PCDHA10: variants seen among roughly 807,000 people sequenced by gnomAD.
PCDHA10 encodes the protein protocadherin alpha 10, also known as protocadherin alpha-10.
Under a neutral mutation model 61.2 loss-of-function variants are expected in PCDHA10, and 45 were observed. That is an observed-to-expected ratio of 0.74 (90% confidence interval 0.58 to 0.94). PCDHA10 has a LOEUF of 0.94. Ranked by LOEUF, PCDHA10 falls within the 40% of genes least tolerant of loss-of-function variation. The pLI is 0.00. For synonymous variants in PCDHA10, 602 were observed against 548.8 expected (o/e 1.10, Z -1.35); for missense variants, 1,278 against 1,236.2 (o/e 1.03, Z -0.51).
chr5:140,973,556 C>A lies in PCDHA10; in HGVS notation c.2389-5393C>A, dbSNP rs993191449. Among the ~76,000 whole-genome samples the A allele has an allele frequency of 3.9e-5, 6 of 152,336 alleles. 1 individual carries two copies. In the South Asian group the frequency reaches 1.2e-3, roughly 32 times the overall value. ...ATACAATAATTTATTTCAATTACCT[C>A]TTTCCTCAATTTTTCTACAGACTGC... On this transcript the variant is annotated intron_variant, in intron 1 of 3. Coordinates refer to ENST00000307360, the MANE Select transcript of PCDHA10 (RefSeq NM_018901.4).
At chr5:140,966,313 C>T (rs1349194825) in intron 1 of PCDHA10, 18 of 386,704 alleles carry the variant, frequency 4.7e-5, no homozygotes, top group African/African-American at 2.5e-4. Flanking sequence ...CGTGTTCCTG[C>T]GGTCCGCTGG....
At chr5:140,913,348 C>A (rs1233529642) in intron 1 of PCDHA10, among the ~76,000 whole-genome samples, 1 of 152,080 alleles carries the variant, frequency 6.6e-6, no homozygotes, top group East Asian at 1.9e-4. Context: ...TCCATTTCCT[C>A]TAGATTTTTA....
chr5:140,870,242 T>A (rs1554163936), intron 1 of PCDHA10: 1 of 1,614,142 alleles, frequency 6.2e-7, no homozygotes, highest in East Asian at 2.2e-5. Flanking sequence ...GACTCAGGTG[T>A]CAACGGACAG....
intron 3 of PCDHA10, among the ~76,000 whole-genome samples, chr5:140,992,482 G>A (rs1187706188): frequency 6.6e-6 from 1 of 152,164 alleles, no homozygotes; most frequent in Non-Finnish European, 1.5e-5. Flanking sequence ...TCACCCAGAG[G>A]CCAATCTGTA....
At chr5:140,868,894 G>T in intron 1 of PCDHA10, 6 of 771,428 alleles carry the variant, frequency 7.8e-6, no homozygotes, top group Non-Finnish European at 1.2e-5. Flanking sequence ...TTAGGCGCAA[G>T]GTGTCGCTCT....
intron 1 of PCDHA10, chr5:140,928,173 C>T (rs1554205586): frequency 1.2e-6 from 2 of 1,614,170 alleles, no homozygotes; most frequent in Admixed American, 1.7e-5. Flanking sequence ...CACTTAGCAC[C>T]CGAAGGACAA....
chr5:140,860,740 T>G (rs934240513), intron 1 of PCDHA10: 1 of 152,266 alleles, frequency 6.6e-6, no homozygotes, highest in Non-Finnish European at 1.5e-5. Context: ...TTTTGTTTTT[T>G]ATTTTTTATT....
In PCDHA10 at chr5:140,982,309, G is replaced by A. The variant is rs1459964622; in HGVS notation, c.2448-166G>A. On this transcript the variant is annotated intron_variant, in intron 2 of 3. Coordinates refer to ENST00000307360, the MANE Select transcript of PCDHA10 (RefSeq NM_018901.4). Reference sequence around the variant, plus strand: ...TAAGTAAGTCAGCAATGCTTCTGCAGTTTATGCAGGGTGACTGCTCAGCAG... The same window carrying A: ...TAAGTAAGTCAGCAATGCTTCTGCAATTTATGCAGGGTGACTGCTCAGCAG... 5.4e-6 allele frequency: 7 copies of A among 1,306,624 alleles called. No homozygotes were observed. The Admixed American group carries it at 1.8e-4, about 34-fold the overall frequency. The allele number at this position is 1,306,624 out of a possible 1,614,324, so 80.9% of individuals were successfully genotyped here. A position where few individuals can be genotyped will look rare whatever the true frequency, so the allele number is the denominator to read the frequency against.
Position 140,859,254 on chromosome 5 carries a change from G to T in PCDHA10, c.2388+818G>T, listed in dbSNP as rs1005222858. 2 of 131,816 alleles carry T rather than the reference G, an allele frequency of 1.5e-5. 1 individual carries two copies. The allele number at this position is 131,816 out of a possible 1,614,324, so 8.2% of individuals were successfully genotyped here. ...AGTCATGCTTATGTTTAATAATGAA[G>T]AGAATTTGAACACTTTTTACTTTTG... On this transcript the variant is annotated intron_variant, in intron 1 of 3. Transcript: ENST00000307360.
chr5:140,863,783 G>C, intron 1 of PCDHA10: 1 of 226,522 alleles, frequency 4.4e-6, no homozygotes, highest in Non-Finnish European at 8.8e-6. Context: ...CGGATCACTC[G>C]AGGCCAGGAG....
chr5:140,892,993 C>T (rs2063771968), intron 1 of PCDHA10, among the ~76,000 whole-genome samples: 1 of 152,170 alleles, frequency 6.6e-6, no homozygotes, highest in Non-Finnish European at 1.5e-5. Flanking sequence ...TAAGTGAGAA[C>T]ATGTATTTAT....
chr5:140,927,482 C>G, intron 1 of PCDHA10: 1 of 1,614,086 alleles, frequency 6.2e-7, no homozygotes, highest in Non-Finnish European at 8.5e-7. Flanking sequence ...GAACAGCGCG[C>G]CACCCACCTG....
intron 1 of PCDHA10, among the ~76,000 whole-genome samples, chr5:140,890,111 A>G (rs1365246358): frequency 6.6e-6 from 1 of 152,194 alleles, no homozygotes; most frequent in Admixed American, 6.5e-5. Context: ...TCTGGATTCA[A>G]TGATGTCACT....
At chr5:140,869,316 T>A in intron 1 of PCDHA10, 1 of 1,613,748 alleles carries the variant, frequency 6.2e-7, no homozygotes, top group Non-Finnish European at 8.5e-7. Context: ...CCAAAACACA[T>A]GGGGACCTTC....
chr5:140,876,960 G>A (rs781808609), intron 1 of PCDHA10: 4 of 1,613,122 alleles, frequency 2.5e-6, no homozygotes, highest in East Asian at 4.5e-5. Context: ...CGCTGGTGGA[G>A]CGGCGGGTGG....
At position 140,877,266 on chromosome 5, in the gene PCDHA10, C is replaced by A. The variant is rs2056980298; in HGVS notation, c.2388+18830C>A. The A allele has an allele frequency of 4.3e-6, 7 of 1,613,808 alleles. No individual in the cohort carries two copies. The South Asian group carries it at 5.5e-5, about 13-fold the overall frequency. ...TGGTGGCGAAAGTGCGCGCGGTGGA[C>A]GCTGACTCCGGCTATAACGCTTGGC... On this transcript the variant is annotated intron_variant, in intron 1 of 3. Transcript: ENST00000307360.
chr5:140,882,392 G>T (rs781850899), intron 1 of PCDHA10: 5 of 1,614,058 alleles, frequency 3.1e-6, no homozygotes, highest in Middle Eastern at 1.6e-4. Flanking sequence ...AGCAAAACAC[G>T]GCACCTTCGT....
chr5:140,942,713 T>C (rs2093359728), intron 1 of PCDHA10, among the ~76,000 whole-genome samples: 2 of 152,208 alleles, frequency 1.3e-5, no homozygotes, highest in Non-Finnish European at 1.5e-5. Flanking sequence ...AGTAAAAGTA[T>C]GAAATTTTGT....
At chr5:140,872,584 G>A (rs183302964) in intron 1 of PCDHA10, among the ~76,000 whole-genome samples, 8 of 152,212 alleles carry the variant, frequency 5.3e-5, no homozygotes, top group Admixed American at 5.2e-4. Flanking sequence ...CTATCATCGT[G>A]AGACCCCCAT....
Sources: gnomAD v4.1 joint callset for allele counts (sites outside exome capture counted in the v4.1 genomes callset) on GRCh38, gnomAD v4.1.1 for gene constraint, MANE v1.5 for transcripts, NCBI Gene and HGNC (gene_info 2026-07-23, HGNC 2026-07-21) for gene names.